PGAP2: variants seen among roughly 807,000 people sequenced by gnomAD.
PGAP2 encodes the protein post-GPI attachment to proteins 2.
Under a neutral mutation model 33.2 loss-of-function variants are expected in PGAP2, and 21 were observed. That is an observed-to-expected ratio of 0.63 (90% CI 0.45 to 0.91). The LOEUF (loss-of-function observed/expected upper bound fraction) is 0.91, where lower values mean the gene tolerates loss of function less well. PGAP2 is among the 40% of genes least tolerant of loss of function. The probability of loss-of-function intolerance (pLI) is 0.00; values close to 1 mark genes in which losing one functional copy is unlikely to be tolerated. For missense variants in PGAP2, 345 were observed against 424.0 expected, an observed-to-expected ratio of 0.81 and a Z score of 1.64; for synonymous variants, 161 against 172.9, an observed-to-expected ratio of 0.93 and a Z score of 0.54.
At chr11:3,802,269 A>G (rs1363182059) in intron 1 of PGAP2, among the ~76,000 whole-genome samples, 1 of 152,186 alleles carries the variant, frequency 6.6e-6, no homozygotes, top group African/African-American at 2.4e-5. Flanking sequence ...ATTTCTAAAG[A>G]TACGTTGTTG....
Position 3,824,278 on chromosome 11 carries a change from G to T in PGAP2, c.610G>T (p.Glu204Ter). Residue 204 changes from glutamate to a stop codon, truncating the protein, a stop_gained, in exon 5 of 7, where the codon GAA becomes TAA. Transcript: ENST00000278243. LOFTEE classifies it high-confidence loss of function. ...ATCCTCTTTCCCTCCAGCCATCCAC[G>T]AAAATGCTTTCATTGTGTTCATTGC... ...VSSSEDFTIH[E>*]NAFIVFIASS... 6.2e-7 allele frequency: 1 copy of T among 1,614,158 alleles called. No homozygotes were observed. Among genetic ancestry groups the T allele is most frequent in the Non-Finnish European group, 8.5e-7 (1 of 1,180,032 alleles).
chr11:3,822,375 A>G (rs1017116686), intron 3 of PGAP2, among the ~76,000 whole-genome samples: 2 of 151,842 alleles, frequency 1.3e-5, no homozygotes, highest in African/African-American at 4.8e-5. Flanking sequence ...AAAAGAGAAA[A>G]AAAAGCAGAT....
upstream of PGAP2, among the ~76,000 whole-genome samples, chr11:3,807,270 G>A (rs555006285): frequency 3.4e-5 from 5 of 148,994 alleles, no homozygotes; most frequent in South Asian, 2.1e-4. Flanking sequence ...CCCTGGAAGC[G>A]GAGGTTGCAG....
At chr11:3,819,079 C>T (rs2087853478) in intron 3 of PGAP2, among the ~76,000 whole-genome samples, 1 of 152,202 alleles carries the variant, frequency 6.6e-6, no homozygotes, top group Non-Finnish European at 1.5e-5. Context: ...GACAGGATCT[C>T]ACTCTGTCTC....
chr11:3,812,997 T>G (rs1393352127), intron 2 of PGAP2, among the ~76,000 whole-genome samples: 1 of 152,194 alleles, frequency 6.6e-6, no homozygotes, highest in Non-Finnish European at 1.5e-5. Context: ...GCATCAGATA[T>G]TCCTGTTACG....
At chr11:3,809,540 A>T (rs61896958) in intron 1 of PGAP2, among the ~76,000 whole-genome samples, 1 of 152,156 alleles carries the variant, frequency 6.6e-6, no homozygotes, top group Non-Finnish European at 1.5e-5. Flanking sequence ...CTAGTCTTCA[A>T]TTTGGGAATC....
chr11:3,817,316 C>A, intron 2 of PGAP2, 37 bp from the exon 3 acceptor site: 1 of 1,561,380 alleles, frequency 6.4e-7, no homozygotes, highest in Non-Finnish European at 8.7e-7. Context: ...CCCAGGTGTC[C>A]TACCAGGCCC....
chr11:3,803,992 T>C (rs1256229153), upstream of PGAP2, among the ~76,000 whole-genome samples: 1 of 151,568 alleles, frequency 6.6e-6, no homozygotes, highest in African/African-American at 2.4e-5. Context: ...GATTTTATCA[T>C]GTTGGCCAGA....
chr11:3,808,582 A>T lies in PGAP2; in HGVS notation c.-80A>T. On this transcript the variant is annotated 5_prime_UTR_variant, in exon 1 of 7. Coordinates refer to ENST00000278243, the MANE Select transcript of PGAP2 (RefSeq NM_014489.4). ...GCCGTTCGCGCTCTGACCAGCCCGCAGAGCCAGCCCCCGACCCCGGGCCAC... is the reference window on the plus strand; with the variant it reads ...GCCGTTCGCGCTCTGACCAGCCCGCTGAGCCAGCCCCCGACCCCGGGCCAC... The T allele has an allele frequency of 1.5e-6, 2 of 1,362,702 alleles. No homozygotes were observed. The highest frequency in any genetic ancestry group is 1.9e-6 in the Non-Finnish European group (2 of 1,058,786). The allele number at this position is 1,362,702 out of a possible 1,614,324, so 84.4% of individuals were successfully genotyped here. A position where few individuals can be genotyped will look rare whatever the true frequency, so the allele number is the denominator to read the frequency against.
chr11:3,819,557 A>G (rs747454132), intron 3 of PGAP2, among the ~76,000 whole-genome samples: 28 of 152,088 alleles, frequency 1.8e-4, no homozygotes, highest in Non-Finnish European at 3.4e-4. Flanking sequence ...GGCCAAAGGA[A>G]TGAATCTTAT....
At position 3,825,634 on chromosome 11, in the gene PGAP2, C is replaced by T. The variant is rs1042262292; in HGVS notation, c.*176C>T. 3.3e-6 allele frequency: 2 copies of T among 610,078 alleles called. No individual in the cohort carries two copies. The highest frequency in any genetic ancestry group is 2.1e-5 in the South Asian group (1 of 47,714). 37.8% of individuals were successfully genotyped at this position (610,078 alleles called of 1,614,324 possible). On this transcript the variant is annotated 3_prime_UTR_variant, in exon 7 of 7. Transcript: ENST00000278243. The stretch of plus-strand genomic sequence containing the variant: ...AGTGCTGCTGGCTTCTCCTCTCCAC[C>T]CCTCATATGGGCGTGGGGTCCTCAA...
At chr11:3,817,923 G>T (rs1462646060) in intron 3 of PGAP2, 3 of 452,270 alleles carry the variant, frequency 6.6e-6, no homozygotes, top group South Asian at 4.8e-5. Flanking sequence ...GCATGCCCCT[G>T]TAGTCCCAGC....
chr11:3,825,286 C>A, intron 6 of PGAP2, 42 bp from the exon 7 acceptor site: 2 of 1,602,204 alleles, frequency 1.2e-6, no homozygotes, highest in Non-Finnish European at 8.5e-7. Flanking sequence ...GAGCGGGTAG[C>A]TGGAAGTTCA....
At chr11:3,800,627 G>A (rs1319290563) in intron 1 of PGAP2, among the ~76,000 whole-genome samples, 2 of 151,430 alleles carry the variant, frequency 1.3e-5, no homozygotes, top group Non-Finnish European at 2.9e-5. Context: ...CTGGCTAACA[G>A]AAGGAAACCC....
At position 3,814,961 on chromosome 11, in the gene PGAP2, A is replaced by G. The variant is rs549988029; in HGVS notation, c.166-2392A>G. On this transcript the variant is annotated intron_variant, in intron 2 of 6. Transcript: ENST00000278243. The stretch of plus-strand genomic sequence containing the variant: ...CTTTCTTTTCTTTTCTTTTTGAGGC[A>G]GGGTCTTGCTCTGTTGCCCAGGCTG... Among the ~76,000 whole-genome samples the G allele has an allele frequency of 3.1e-3, 403 of 131,506 alleles. 1 individual carries two copies. The highest frequency in any genetic ancestry group is 4.8e-3 in the Non-Finnish European group (314 of 64,746). The allele number at this position is 131,506 out of a possible 152,430, so 86.3% of individuals were successfully genotyped here. A position where few individuals can be genotyped will look rare whatever the true frequency, so the allele number is the denominator to read the frequency against.
intron 1 of PGAP2, among the ~76,000 whole-genome samples, chr11:3,799,425 C>A (rs911410122): frequency 2.0e-5 from 3 of 152,094 alleles, no homozygotes; most frequent in Admixed American, 6.6e-5. Flanking sequence ...ATAATCCCAG[C>A]TGCTTCTCGG....
intron 1 of PGAP2, 75 bp downstream of exon 1, chr11:3,808,726 C>A: frequency 1.3e-6 from 1 of 770,464 alleles, no homozygotes; most frequent in Non-Finnish European, 1.6e-6. Flanking sequence ...CTGGCCTCTG[C>A]AGGGCCGGGC....
At chr11:3,807,200 A>G (rs1225244595), upstream of PGAP2, among the ~76,000 whole-genome samples, 2 of 149,928 alleles carry the variant, frequency 1.3e-5, no homozygotes, top group African/African-American at 2.5e-5. Context: ...AGCTGGGCGC[A>G]GTAGCGGGCG....
intron 3 of PGAP2, chr11:3,818,138 G>A (rs1252344260): frequency 4.8e-6 from 1 of 207,452 alleles, no homozygotes; most frequent in African/African-American, 2.4e-5. Flanking sequence ...CGAGGTGGGA[G>A]GATCACCTGA....
Sources: allele counts gnomAD v4.1 joint callset (sites outside exome capture counted in the v4.1 genomes callset), GRCh38; gene constraint gnomAD v4.1.1; transcripts MANE v1.5; gene names NCBI Gene and HGNC (gene_info 2026-07-23, HGNC 2026-07-21).